CWC27: variants seen among roughly 807,000 people sequenced by gnomAD.
CWC27 encodes the protein spliceosome-associated protein CWC27 homolog.
CWC27 carries 47 observed loss-of-function variants against 63.6 expected under a neutral mutation model. The ratio of observed to expected loss-of-function variants is 0.74; its 90% CI spans 0.58 to 0.94. The LOEUF is 0.94. CWC27 is among the 40% of genes least tolerant of loss of function. The pLI, the probability that CWC27 is intolerant of heterozygous loss-of-function variation, is 0.00. For missense variants in CWC27, 495 were observed against 554.3 expected (o/e 0.89, Z 1.07); for synonymous variants, 175 against 179.8 (o/e 0.97, Z 0.22).
chr5:64,954,167 C>G (rs1049155771), intron 11 of CWC27, among the ~76,000 whole-genome samples: 6 of 152,140 alleles, frequency 3.9e-5, no homozygotes, highest in Admixed American at 3.9e-4. Context: ...CCTTCTCAGT[C>G]AGAGTTCACA....
In CWC27 at chr5:64,807,923, T is replaced by G. The variant is rs1580625478; in HGVS notation, c.938+3537T>G. 52 of 1,433,336 alleles carry G rather than the reference T, an allele frequency of 3.6e-5. 5 individuals are homozygous for G. In the South Asian group the frequency reaches 7.8e-4, roughly 21 times the overall value. The allele number at this position is 1,433,336 out of a possible 1,614,324, so 88.8% of individuals were successfully genotyped here. ...TCCTTCCTATTTATTTCTAAATACA[T>G]ATCATCTAGCTTCTCACCTACCACT... On this transcript the variant is annotated intron_variant, in intron 10 of 13. Transcript: ENST00000381070.
chr5:64,946,178 G>A (rs1441720988), intron 11 of CWC27, among the ~76,000 whole-genome samples: 1 of 152,082 alleles, frequency 6.6e-6, no homozygotes, highest in Non-Finnish European at 1.5e-5. Context: ...GTAAAGTGAG[G>A]AGGCATGATT....
At chr5:64,899,080 G>A (rs1384052247) in intron 11 of CWC27, among the ~76,000 whole-genome samples, 1 of 152,152 alleles carries the variant, frequency 6.6e-6, no homozygotes, top group Non-Finnish European at 1.5e-5. Context: ...TATCAAGGAT[G>A]GGAGATATAT....
chr5:65,012,819 G>C (rs1458283406), intron 13 of CWC27, among the ~76,000 whole-genome samples: 1 of 152,166 alleles, frequency 6.6e-6, no homozygotes, highest in East Asian at 1.9e-4. Flanking sequence ...CAATCTGAAA[G>C]CATAAAAGCT....
At chr5:64,942,258 T>C (rs187861445) in intron 11 of CWC27, among the ~76,000 whole-genome samples, 1 of 151,428 alleles carries the variant, frequency 6.6e-6, no homozygotes, top group East Asian at 1.9e-4. Flanking sequence ...GACCCCCGTC[T>C]CTACAAAAAT....
chr5:64,770,503 A>G (rs1743212564), intron 1 of CWC27, among the ~76,000 whole-genome samples: 1 of 152,216 alleles, frequency 6.6e-6, no homozygotes, highest in Admixed American at 6.5e-5. Flanking sequence ...GCCCTTTCTT[A>G]TCTACTTTCT....
At chr5:64,785,282 C>G (rs1743844038) in intron 4 of CWC27, among the ~76,000 whole-genome samples, 199 bp from the exon 5 acceptor site, 1 of 151,974 alleles carries the variant, frequency 6.6e-6, no homozygotes, top group African/African-American at 2.4e-5. Flanking sequence ...TTCCAAAAAA[C>G]TTATTGGGGG....
chr5:64,791,528 C>G (rs927633691), intron 7 of CWC27, among the ~76,000 whole-genome samples: 1 of 151,900 alleles, frequency 6.6e-6, no homozygotes, highest in African/African-American at 2.4e-5. Flanking sequence ...TCTTTTCTCT[C>G]TGCCAAGAAA....
intron 11 of CWC27, among the ~76,000 whole-genome samples, chr5:64,899,528 G>C (rs1228801175): frequency 1.3e-5 from 2 of 152,146 alleles, no homozygotes; most frequent in African/African-American, 2.4e-5. Context: ...AACACGAAGA[G>C]CACAGATGCA....
chr5:64,984,787 TATTG>T (rs1298578136), intron 13 of CWC27, among the ~76,000 whole-genome samples: 2 of 152,230 alleles, frequency 1.3e-5, no homozygotes, highest in African/African-American at 4.8e-5. Flanking sequence ...AAATATTTAA[TATTG>T]ATTAAGTCCA....
chr5:64,982,489 AT>A (rs78186731), intron 13 of CWC27, among the ~76,000 whole-genome samples: 566 of 143,622 alleles, frequency 3.9e-3, no homozygotes, highest in Middle Eastern at 0.011. Flanking sequence ...TACTCGGCTA[AT>A]TTTTTTTTTT....
At chr5:64,855,843 T>G (rs2112303218) in intron 10 of CWC27, among the ~76,000 whole-genome samples, 1 of 152,252 alleles carries the variant, frequency 6.6e-6, no homozygotes, top group East Asian at 1.9e-4. Context: ...CTTTTTTATT[T>G]GGACATTTCC....
intron 2 of CWC27, among the ~76,000 whole-genome samples, chr5:64,775,236 A>G (rs535349561): frequency 6.6e-6 from 1 of 152,148 alleles, no homozygotes; most frequent in Non-Finnish European, 1.5e-5. Flanking sequence ...GGAGCCTTCC[A>G]CTGTTAGCTA....
chr5:64,950,918 G>A (rs1197918205), intron 11 of CWC27, among the ~76,000 whole-genome samples: 2 of 151,886 alleles, frequency 1.3e-5, no homozygotes, highest in Non-Finnish European at 2.9e-5. Flanking sequence ...TTAGCATAAT[G>A]CTCTTGAAAT....
At chr5:64,989,320 A>G (rs2112456700) in intron 13 of CWC27, among the ~76,000 whole-genome samples, 1 of 152,290 alleles carries the variant, frequency 6.6e-6, no homozygotes, top group South Asian at 2.1e-4. Context: ...CTTATGCCAA[A>G]TTGTCTCATG....
intron 11 of CWC27, among the ~76,000 whole-genome samples, chr5:64,912,240 T>A (rs574996533): frequency 6.6e-6 from 1 of 152,060 alleles, no homozygotes; most frequent in South Asian, 2.1e-4. Context: ...GAGAAAATAA[T>A]ATCCTAAGCA....
intron 11 of CWC27, among the ~76,000 whole-genome samples, chr5:64,926,523 T>A (rs984991390): frequency 1.3e-5 from 2 of 152,042 alleles, no homozygotes; most frequent in African/African-American, 4.8e-5. Flanking sequence ...CTACGCATTT[T>A]TCAAGGCACG....
At chr5:64,828,521 A>G (rs919091054) in intron 10 of CWC27, among the ~76,000 whole-genome samples, 1 of 151,992 alleles carries the variant, frequency 6.6e-6, no homozygotes, top group Non-Finnish European at 1.5e-5. Flanking sequence ...TTCCTTGTTC[A>G]TAGGCAGCTG....
intron 11 of CWC27, among the ~76,000 whole-genome samples, chr5:64,932,470 C>T (rs1748258351): frequency 6.6e-6 from 1 of 152,108 alleles, no homozygotes; most frequent in South Asian, 2.1e-4. Flanking sequence ...CACTTCCTTA[C>T]ATGGCACTGT....
Sources: allele counts gnomAD v4.1 joint callset (sites outside exome capture counted in the v4.1 genomes callset), GRCh38; gene constraint gnomAD v4.1.1; transcripts MANE v1.5; gene names NCBI Gene and HGNC (gene_info 2026-07-23, HGNC 2026-07-21).